CADPS2: variants seen among roughly 807,000 people sequenced by gnomAD.
CADPS2 encodes the protein calcium dependent secretion activator 2, also known as calcium-dependent secretion activator 2.
In CADPS2, 93 loss-of-function variants were observed where a neutral mutation model predicts 172.5. The observed-to-expected ratio is 0.54, with a 90% CI of 0.46 to 0.64. The LOEUF is 0.64. Ranked by LOEUF, CADPS2 falls within the 30% of genes least tolerant of loss-of-function variation. CADPS2 has a pLI of 0.00. For missense variants in CADPS2, 1,420 were observed against 1,565.9 expected, an observed-to-expected ratio of 0.91 and a Z score of 1.57; for synonymous variants, 546 against 555.2, an observed-to-expected ratio of 0.98 and a Z score of 0.23.
intron 6 of CADPS2, among the ~76,000 whole-genome samples, chr7:122,582,854 T>C (rs1463127014): frequency 6.6e-6 from 1 of 152,066 alleles, no homozygotes; most frequent in Non-Finnish European, 1.5e-5. Flanking sequence ...GAATTTGCTT[T>C]TTAAAATCCT....
At chr7:122,727,617 A>G (rs966219262) in intron 2 of CADPS2, among the ~76,000 whole-genome samples, 2 of 151,978 alleles carry the variant, frequency 1.3e-5, no homozygotes, top group Middle Eastern at 3.4e-3. Flanking sequence ...AAAATGCTCA[A>G]ACAAGATGTT....
intron 18 of CADPS2, among the ~76,000 whole-genome samples, chr7:122,414,918 AG>A (rs1249561775): frequency 6.6e-6 from 1 of 152,202 alleles, no homozygotes; most frequent in African/African-American, 2.4e-5. Context: ...TGCTTCCTCA[AG>A]AATAAAAGCA....
intron 2 of CADPS2, among the ~76,000 whole-genome samples, chr7:122,685,829 C>A (rs1022788511): frequency 3.9e-5 from 6 of 152,180 alleles, no homozygotes; most frequent in African/African-American, 1.4e-4. Context: ...ATCTTACAAT[C>A]AAGGAGGAAG....
intron 1 of CADPS2, among the ~76,000 whole-genome samples, chr7:122,832,426 A>C (rs1806851369): frequency 1.3e-5 from 2 of 152,222 alleles, no homozygotes; most frequent in Admixed American, 1.3e-4. Flanking sequence ...GTGCAAGAAA[A>C]ATGTGGTGAC....
intron 1 of CADPS2, among the ~76,000 whole-genome samples, chr7:122,780,697 G>A (rs569778399): frequency 6.6e-6 from 1 of 152,082 alleles, no homozygotes; most frequent in Non-Finnish European, 1.5e-5. Flanking sequence ...TTTTGAGAGA[G>A]AGAGTCTCAC....
At chr7:122,543,528 T>C (rs1271677708) in intron 8 of CADPS2, among the ~76,000 whole-genome samples, 1 of 152,104 alleles carries the variant, frequency 6.6e-6, no homozygotes, top group Middle Eastern at 3.2e-3. Flanking sequence ...AAATCAAGCA[T>C]GCATTCAGTG....
chr7:122,576,147 C>T (rs1020005253), intron 7 of CADPS2, among the ~76,000 whole-genome samples: 18 of 152,148 alleles, frequency 1.2e-4, no homozygotes, highest in Non-Finnish European at 1.8e-4. Flanking sequence ...ATGACCTTGA[C>T]AGTCTGGAAG....
At chr7:122,649,898 ATTTTTTTTTTTTTT>A (rs71531909) in intron 3 of CADPS2, among the ~76,000 whole-genome samples, 10 of 52,022 alleles carry the variant, frequency 1.9e-4, no homozygotes, top group Admixed American at 3.2e-4. Context: ...GTATTCAATG[ATTTTTTTTTTTTTT>A]TTTTTTTTTT....
chr7:122,581,849 T>C (rs1001131742), intron 6 of CADPS2, among the ~76,000 whole-genome samples: 2 of 152,138 alleles, frequency 1.3e-5, no homozygotes, highest in African/African-American at 2.4e-5. Context: ...GTTTTGTAGT[T>C]AATTTCCCAC....
intron 2 of CADPS2, among the ~76,000 whole-genome samples, chr7:122,690,706 C>T (rs900451623): frequency 6.6e-6 from 1 of 152,166 alleles, no homozygotes; most frequent in Non-Finnish European, 1.5e-5. Context: ...ATAACTTTCA[C>T]ATAATTAACA....
rs577038308 is a variant in CADPS2 at position 122,832,311 on chromosome 7, A to T, written c.339+53688T>A. 2.6e-5 allele frequency among the ~76,000 whole-genome samples: 4 copies of T among 152,168 alleles called. No individual in the cohort carries two copies. The East Asian group carries it at 7.7e-4, about 29-fold the overall frequency. On this transcript the variant is annotated intron_variant, in intron 1 of 29. Transcript: ENST00000449022. ...CAAATACAAAAAGTGTGTAAAAAAA[A>T]AAAAAACCCACCCATGTGTGCACAC...
intron 28 of CADPS2, among the ~76,000 whole-genome samples, chr7:122,332,672 A>G (rs888570335): frequency 6.6e-6 from 1 of 152,292 alleles, no homozygotes; most frequent in Non-Finnish European, 1.5e-5. Flanking sequence ...ATACATGAAT[A>G]TAATAACAGA....
At chr7:122,589,105 A>G (rs2070295020) in intron 6 of CADPS2, among the ~76,000 whole-genome samples, 1 of 151,976 alleles carries the variant, frequency 6.6e-6, no homozygotes, top group South Asian at 2.1e-4. Flanking sequence ...GTGTCTTTCT[A>G]TTAGTCATTG....
chr7:122,825,048 T>A (rs1437099838), intron 1 of CADPS2, among the ~76,000 whole-genome samples: 8 of 152,152 alleles, frequency 5.3e-5, no homozygotes. Context: ...AATCCACATG[T>A]CTTTCAAAGG....
chr7:122,487,723 A>G (rs1362119811), intron 11 of CADPS2, among the ~76,000 whole-genome samples: 1 of 152,236 alleles, frequency 6.6e-6, no homozygotes, highest in Non-Finnish European at 1.5e-5. Flanking sequence ...TTTCATAGTC[A>G]TGGCTGGGAC....
At chr7:122,566,142 A>G (rs1425623857) in intron 7 of CADPS2, among the ~76,000 whole-genome samples, 1 of 152,184 alleles carries the variant, frequency 6.6e-6, no homozygotes. Context: ...CCTACTGCAT[A>G]TATGAAAGAA....
chr7:122,381,058 G>A (rs1213123842), intron 24 of CADPS2, among the ~76,000 whole-genome samples: 3 of 152,160 alleles, frequency 2.0e-5, no homozygotes, highest in Admixed American at 6.5e-5. Flanking sequence ...GTCCACACAT[G>A]AACATATCTG....
intron 15 of CADPS2, among the ~76,000 whole-genome samples, chr7:122,450,441 T>G (rs991522104): frequency 2.0e-5 from 3 of 150,724 alleles, no homozygotes; most frequent in Non-Finnish European, 3.0e-5. Flanking sequence ...GAACTAACTA[T>G]AACCAGGAGA....
chr7:122,594,256 G>A (rs1481069588), intron 6 of CADPS2, among the ~76,000 whole-genome samples: 1 of 151,662 alleles, frequency 6.6e-6, no homozygotes, highest in Non-Finnish European at 1.5e-5. Context: ...GCAAAATAGT[G>A]AGACCCAGTC....
Sources: gnomAD v4.1 joint callset for allele counts (sites outside exome capture counted in the v4.1 genomes callset) on GRCh38, gnomAD v4.1.1 for gene constraint, MANE v1.5 for transcripts, NCBI Gene and HGNC (gene_info 2026-07-23, HGNC 2026-07-21) for gene names.